Variants in FGF12 observed in about 807,000 individuals in gnomAD.
FGF12 encodes the protein fibroblast growth factor 12.
In FGF12, 14 loss-of-function variants were observed where a neutral mutation model predicts 23.6. The observed-to-expected ratio is 0.59, with a 90% CI of 0.39 to 0.93. The LOEUF (loss-of-function observed/expected upper bound fraction) is 0.93. FGF12 is among the 40% of genes least tolerant of loss of function. FGF12 has a pLI of 0.00. For missense variants in FGF12, 175 were observed against 217.8 expected, an observed-to-expected ratio of 0.80 and a Z score of 1.24; for synonymous variants, 62 against 77.3, an observed-to-expected ratio of 0.80 and a Z score of 1.04.
chr3:192,162,508 A>G (rs191492605), intron 5 of FGF12, among the ~76,000 whole-genome samples: 3 of 152,168 alleles, frequency 2.0e-5, no homozygotes, highest in Admixed American at 1.3e-4. Flanking sequence ...ACCAGAAAAA[A>G]CTGGTTTGAA....
intron 5 of FGF12, among the ~76,000 whole-genome samples, chr3:192,169,294 T>C (rs182110741): frequency 2.6e-5 from 4 of 151,970 alleles, no homozygotes; most frequent in Non-Finnish European, 5.9e-5. Flanking sequence ...TGAGCCGAGA[T>C]TGCACCACCG....
chr3:192,727,349 T>G, intron 1 of FGF12, 26 bp from the exon 2 acceptor site: 2 of 1,531,642 alleles, frequency 1.3e-6, no homozygotes. Flanking sequence ...TCTTAAACCT[T>G]GAAGCTGCAA....
intron 2 of FGF12, among the ~76,000 whole-genome samples, chr3:192,455,671 G>T (rs1722658875): frequency 6.6e-6 from 1 of 152,028 alleles, no homozygotes. Context: ...ATCAATAACT[G>T]AATAATATTC....
intron 3 of FGF12, among the ~76,000 whole-genome samples, chr3:192,357,243 G>C (rs944584771): frequency 6.6e-6 from 1 of 152,164 alleles, no homozygotes; most frequent in South Asian, 2.1e-4. Flanking sequence ...CAGCACTTTG[G>C]GAGGCCGAGG....
At chr3:192,282,757 C>T (rs1050696389) in intron 4 of FGF12, 2 of 129,684 alleles carry the variant, frequency 1.5e-5, no homozygotes, top group Admixed American at 1.6e-4. Context: ...TAATATTTTA[C>T]TCTTGTTTCC....
chr3:192,637,706 T>C (rs917316143), intron 2 of FGF12, among the ~76,000 whole-genome samples: 2 of 152,044 alleles, frequency 1.3e-5, no homozygotes, highest in Non-Finnish European at 2.9e-5. Flanking sequence ...TCCTAAGTAA[T>C]AAAAATCTTC....
chr3:192,639,638 A>C (rs566834947), intron 2 of FGF12, among the ~76,000 whole-genome samples: 1 of 152,332 alleles, frequency 6.6e-6, no homozygotes, highest in African/African-American at 2.4e-5. Flanking sequence ...TCAACTAACC[A>C]CAGATGGGAA....
intron 4 of FGF12, among the ~76,000 whole-genome samples, chr3:192,258,021 T>TAA (rs200983417): frequency 1.0e-4 from 14 of 135,614 alleles, no homozygotes; most frequent in East Asian, 2.0e-4. Context: ...TGGTAAAATT[T>TAA]AAAAAAAAAA....
intron 2 of FGF12, among the ~76,000 whole-genome samples, chr3:192,601,402 T>C (rs1194034385): frequency 6.6e-6 from 1 of 152,102 alleles, no homozygotes; most frequent in Admixed American, 6.6e-5. Flanking sequence ...TAGTTAATAA[T>C]AATATGTAGT....
At chr3:192,426,213 C>T (rs894121863) in intron 2 of FGF12, among the ~76,000 whole-genome samples, 1 of 152,164 alleles carries the variant, frequency 6.6e-6, no homozygotes, top group African/African-American at 2.4e-5. Context: ...TGCTAGGCTC[C>T]AGTTCCCTAA....
chr3:192,482,722 G>C (rs1044944281), intron 2 of FGF12, among the ~76,000 whole-genome samples: 1 of 152,096 alleles, frequency 6.6e-6, no homozygotes, highest in Non-Finnish European at 1.5e-5. Context: ...GTGTGATCTT[G>C]TGCTGTTTAC....
chr3:192,543,364 T>C (rs931139450), intron 2 of FGF12, among the ~76,000 whole-genome samples: 2 of 151,962 alleles, frequency 1.3e-5, no homozygotes, highest in African/African-American at 4.8e-5. Flanking sequence ...AGTCAGCATG[T>C]TGGTGAATGC....
At chr3:192,670,956 C>A (rs532616704) in intron 2 of FGF12, among the ~76,000 whole-genome samples, 6 of 152,250 alleles carry the variant, frequency 3.9e-5, no homozygotes, top group Middle Eastern at 6.8e-3. Flanking sequence ...CTGAGCAGTA[C>A]CAAATCCATG....
In FGF12 at chr3:192,720,301, C is replaced by T. The variant is rs140198424; in HGVS notation, c.13+6880G>A. On this transcript the variant is annotated intron_variant, in intron 2 of 5. Coordinates refer to ENST00000445105, the MANE Select transcript of FGF12 (RefSeq NM_004113.6). ...CAGGTAAAAAGCCAGGCAGAGTATG[C>T]GCTAAAGAAAAAAGAAAAGATCTGT... Among the ~76,000 whole-genome samples, 9 of 152,248 alleles carry T rather than the reference C, an allele frequency of 5.9e-5. No individual in the cohort carries two copies. In the East Asian group the frequency reaches 7.7e-4, roughly 13 times the overall value.
chr3:192,308,184 C>T (rs10937538), intron 4 of FGF12, among the ~76,000 whole-genome samples: 12,678 of 151,992 alleles, frequency 0.083, 788 homozygotes, highest in East Asian at 0.19. Context: ...ACGATATTCA[C>T]GTGAAAAACC....
intron 2 of FGF12, among the ~76,000 whole-genome samples, chr3:192,392,875 G>C (rs1288851819): frequency 6.6e-6 from 1 of 152,082 alleles, no homozygotes; most frequent in Non-Finnish European, 1.5e-5. Context: ...CAAATATGAA[G>C]GTAAATGACC....
At chr3:192,345,851 T>C (rs1026584062) in intron 3 of FGF12, among the ~76,000 whole-genome samples, 12 of 152,264 alleles carry the variant, frequency 7.9e-5, no homozygotes, top group Non-Finnish European at 1.0e-4. Context: ...AAATCTTTAG[T>C]TTTTCTTAGA....
intron 3 of FGF12, among the ~76,000 whole-genome samples, chr3:192,348,827 T>C (rs1271921339): frequency 6.6e-6 from 1 of 152,170 alleles, no homozygotes; most frequent in East Asian, 1.9e-4. Context: ...TTTACTCATC[T>C]TCAAAATAGA....
intron 2 of FGF12, among the ~76,000 whole-genome samples, chr3:192,492,670 G>T (rs562466213): frequency 5.3e-5 from 8 of 152,226 alleles, no homozygotes; most frequent in African/African-American, 1.9e-4. Context: ...CTAGGACAAA[G>T]CTTAATTAAT....
Sources: allele counts gnomAD v4.1 joint callset (sites outside exome capture counted in the v4.1 genomes callset), GRCh38; gene constraint gnomAD v4.1.1; transcripts MANE v1.5; gene names NCBI Gene and HGNC (gene_info 2026-07-23, HGNC 2026-07-21).